The following USP7 variants were observed in gnomAD, a reference collection of about 807,000 sequenced individuals.
The protein encoded by USP7 is ubiquitin C-terminal hydrolase 7.
Under a neutral mutation model 162.9 loss-of-function variants are expected in USP7, and 9 were observed. That is an observed-to-expected ratio of 0.06 (90% CI 0.03 to 0.10). The LOEUF is 0.10. Ranked by LOEUF, USP7 falls within the 10% of genes least tolerant of loss-of-function variation. USP7 has a pLI of 1.00. For synonymous variants in USP7, 562 were observed against 475.9 expected (o/e 1.18, Z -2.35); for missense variants, 715 against 1,373.7 (o/e 0.52, Z 7.58).
At chr16:8,940,710 C>G (rs1462877012) in intron 1 of USP7, among the ~76,000 whole-genome samples, 1 of 152,150 alleles carries the variant, frequency 6.6e-6, no homozygotes, top group African/African-American at 2.4e-5. Flanking sequence ...TGGGAAAGAT[C>G]AGAGGCTGTG....
chr16:8,902,704 A>C (rs780490651), intron 16 of USP7, among the ~76,000 whole-genome samples: 2 of 152,180 alleles, frequency 1.3e-5, no homozygotes, highest in Non-Finnish European at 2.9e-5. Context: ...CCTGGCCAAC[A>C]TGGTGAACTC....
chr16:8,912,061 G>C (rs1435641711), intron 10 of USP7, among the ~76,000 whole-genome samples: 2 of 152,166 alleles, frequency 1.3e-5, no homozygotes, highest in African/African-American at 4.8e-5. Flanking sequence ...TGACTTACAA[G>C]TCACTTATCT....
Position 8,898,630 on chromosome 16 carries a change from A to G in USP7, c.2541T>C (p.Asp847=). The G allele has an allele frequency of 6.3e-7, 1 of 1,596,208 alleles. No homozygotes were observed. The highest frequency in any genetic ancestry group is 8.5e-7 in the Non-Finnish European group (1 of 1,174,520). ...TATGTCTAAGAGGATTACCTGGGCC[A>G]TCCCTATAACTACACAAGAAAACAG... ...LQFFKSQGYR[D]GPGNPLRHNY... The change falls in exon 24 of 31, where the codon GAT becomes GAC. Residue 847 remains aspartate (D), a synonymous_variant. Transcript: ENST00000344836.
chr16:8,919,839 G>A (rs2164507), intron 5 of USP7, among the ~76,000 whole-genome samples: 6,901 of 152,112 alleles, frequency 0.045, 215 homozygotes, highest in Middle Eastern at 0.14. Context: ...CACCTACTGC[G>A]CAGTACCATT....
rs191006684 is a variant in USP7 at position 8,926,112 on chromosome 16, C to G, written c.185-2699G>C. Among the ~76,000 whole-genome samples the G allele has an allele frequency of 4.6e-3, 691 of 150,048 alleles. 4 individuals carry two copies. Among genetic ancestry groups the G allele is most frequent in the African/African-American group, 0.016 (656 of 40,758 alleles). ...AAGCTTGCAGTGAGCTGAGATCGCG[C>G]CACTGCACTCTAGCCTGGGCGACAG... On this transcript the variant is annotated intron_variant, in intron 2 of 30. Transcript: ENST00000344836.
chr16:8,899,541 T>G, intron 22 of USP7, 63 bp downstream of exon 22: 1 of 1,589,298 alleles, frequency 6.3e-7, no homozygotes, highest in Non-Finnish European at 8.6e-7. Flanking sequence ...AACAAGCATT[T>G]TAAGAAAGAA....
chr16:8,906,670 G>A, intron 12 of USP7, 88 bp from the exon 13 acceptor site: 3 of 1,334,266 alleles, frequency 2.2e-6, no homozygotes, highest in East Asian at 2.5e-5. Context: ...TTAATGTACT[G>A]GCTCATCTTT....
At chr16:8,925,490 T>C (rs1169580695) in intron 2 of USP7, among the ~76,000 whole-genome samples, 3 of 152,198 alleles carry the variant, frequency 2.0e-5, no homozygotes, top group African/African-American at 7.2e-5. Context: ...GTATACAAAA[T>C]CAATACATAT....
chr16:8,953,680 AGGC>A, intron 1 of USP7, among the ~76,000 whole-genome samples: 1 of 15,434 alleles, frequency 6.5e-5, no homozygotes, highest in African/African-American at 1.4e-4. Context: ...GCGCCACCGG[AGGC>A]AGAGGGAAGA....
chr16:8,894,813 G>A lies in USP7; in HGVS notation c.3082C>T (p.Leu1028=), dbSNP rs1004050903. The A allele has an allele frequency of 6.2e-7, 1 of 1,614,238 alleles. No homozygotes were observed. Among genetic ancestry groups the A allele is most frequent in the African/African-American group, 1.3e-5 (1 of 75,068 alleles). Residue 1028 remains leucine, a synonymous_variant, in exon 29 of 31, where the codon CTG becomes TTG. Coordinates refer to ENST00000344836, the MANE Select transcript of USP7 (RefSeq NM_003470.3). ...TCAAACTCCTTCTCCTGGATGTCCA[G>A]CAGGCTCTGGATTCGCTTCATCACT... ...REVMKRIQSL[L]DIQEKEFEKF...
chr16:8,929,332 G>A (rs1596389934), intron 2 of USP7: 1 of 374,944 alleles, frequency 2.7e-6, no homozygotes, highest in Non-Finnish European at 5.3e-6. Flanking sequence ...GCACTCCACA[G>A]GTAACAAAGC....
intron 1 of USP7, among the ~76,000 whole-genome samples, chr16:8,940,299 T>A (rs182331984): frequency 6.6e-6 from 1 of 152,186 alleles, no homozygotes; most frequent in Non-Finnish European, 1.5e-5. Context: ...CTTTGTCCAA[T>A]GGCAAATGTC....
intron 1 of USP7, among the ~76,000 whole-genome samples, chr16:8,944,115 G>C (rs1027058970): frequency 1.3e-5 from 2 of 152,072 alleles, no homozygotes; most frequent in African/African-American, 4.8e-5. Flanking sequence ...TATAATGGTA[G>C]TTCCCTCTGA....
chr16:8,956,572 C>T (rs1899811145), intron 1 of USP7, among the ~76,000 whole-genome samples: 1 of 152,128 alleles, frequency 6.6e-6, no homozygotes. Flanking sequence ...CAAGACTATC[C>T]TGGGCAACAT....
chr16:8,942,836 C>G (rs1307324937), intron 1 of USP7, among the ~76,000 whole-genome samples: 1 of 152,182 alleles, frequency 6.6e-6, no homozygotes, highest in Non-Finnish European at 1.5e-5. Context: ...ACATGAGCCA[C>G]CACATCCAGC....
chr16:8,910,311 G>C (rs138768698), intron 11 of USP7, among the ~76,000 whole-genome samples: 257 of 152,198 alleles, frequency 1.7e-3, no homozygotes, highest in African/African-American at 5.7e-3. Context: ...CACAACCCTA[G>C]AGAACACACT....
intron 1 of USP7, chr16:8,935,530 C>T (rs1898657930): frequency 1.3e-5 from 2 of 152,152 alleles, no homozygotes; most frequent in African/African-American, 4.8e-5. Context: ...ATTTTTGACA[C>T]AAAATTATCT....
chr16:8,957,140 T>C (rs527827280), intron 1 of USP7, among the ~76,000 whole-genome samples: 6 of 152,220 alleles, frequency 3.9e-5, no homozygotes, highest in African/African-American at 1.4e-4. Context: ...CCCTCAGAAG[T>C]AGACCTGCTT....
chr16:8,930,257 C>T, intron 2 of USP7, 36 bp downstream of exon 2: 3 of 1,536,026 alleles, frequency 2.0e-6, no homozygotes, highest in South Asian at 2.3e-5. Context: ...TGACAAGTTT[C>T]CGCCCACTGC....
Sources: gnomAD v4.1 joint callset for allele counts (sites outside exome capture counted in the v4.1 genomes callset) on GRCh38, gnomAD v4.1.1 for gene constraint, MANE v1.5 for transcripts, NCBI Gene and HGNC (gene_info 2026-07-23, HGNC 2026-07-21) for gene names.